The following GPHN variants were observed in gnomAD, a reference collection of about 807,000 sequenced individuals.
GPHN encodes gephyrin.
Under a neutral mutation model 95.5 loss-of-function variants are expected in GPHN, and 17 were observed. The ratio of observed to expected loss-of-function variants is 0.18; its 90% CI spans 0.12 to 0.27. GPHN has a LOEUF of 0.27. Among genes scored for constraint, GPHN ranks in the 10% least tolerant of loss-of-function variants. The pLI is 1.00. For missense variants in GPHN, 660 were observed against 978.1 expected, an observed-to-expected ratio of 0.67 and a Z score of 4.34; for synonymous variants, 320 against 322.5, an observed-to-expected ratio of 0.99 and a Z score of 0.08.
chr14:67,072,082 T>C (rs72715334), intron 11 of GPHN, among the ~76,000 whole-genome samples: 3,695 of 152,302 alleles, frequency 0.024, 69 homozygotes, highest in Non-Finnish European at 0.036. Context: ...TTATTTGCTG[T>C]AGTTTATCTT....
At chr14:66,631,977 T>C (rs758080927) in intron 1 of GPHN, among the ~76,000 whole-genome samples, 4 of 152,222 alleles carry the variant, frequency 2.6e-5, no homozygotes, top group Non-Finnish European at 4.4e-5. Context: ...TGCTACCTTG[T>C]TCCCAATCCA....
chr14:67,464,092 A>G, the GPHN span, among the ~76,000 whole-genome samples: 2 of 151,648 alleles, frequency 1.3e-5, no homozygotes, highest in South Asian at 2.1e-4. Context: ...GTGTGTGTGT[A>G]TGTGAGACAG....
chr14:67,722,610 G>T, the GPHN span: 1 of 1,600,452 alleles, frequency 6.2e-7, no homozygotes, highest in Non-Finnish European at 8.6e-7. Flanking sequence ...TGGAGCAGCA[G>T]CAAAAGCAAC....
chr14:67,453,539 A>G, the GPHN span, among the ~76,000 whole-genome samples: 2 of 152,184 alleles, frequency 1.3e-5, no homozygotes, highest in African/African-American at 2.4e-5. Flanking sequence ...GGATGTATAA[A>G]TAGATTTTAG....
intron 5 of GPHN, among the ~76,000 whole-genome samples, chr14:66,885,746 A>C (rs1424935521): frequency 6.6e-6 from 1 of 152,064 alleles, no homozygotes; most frequent in Non-Finnish European, 1.5e-5. Context: ...GTCACTATGC[A>C]TGCCCAGAGG....
At chr14:67,316,917 A>G in the GPHN span, 1 of 1,599,948 alleles carries the variant, frequency 6.3e-7, no homozygotes. Flanking sequence ...AGACACTTGT[A>G]TTTGACATAA....
intron 13 of GPHN, among the ~76,000 whole-genome samples, chr14:67,103,481 A>ATTAATTAATTAAT (rs2077844728): frequency 7.1e-6 from 1 of 141,436 alleles, no homozygotes; most frequent in Non-Finnish European, 1.5e-5. Flanking sequence ...AATTCTTCCA[A>ATTAATTAATTAAT]CCCAACGACA....
the GPHN span, among the ~76,000 whole-genome samples, chr14:67,510,290 GA>G: frequency 6.6e-6 from 1 of 152,242 alleles, no homozygotes; most frequent in Non-Finnish European, 1.5e-5. Context: ...TCAGAGGGCT[GA>G]AATGGGCTGT....
chr14:66,669,509 T>TA (rs397730541), intron 1 of GPHN, among the ~76,000 whole-genome samples: 1 of 152,078 alleles, frequency 6.6e-6, no homozygotes, highest in African/African-American at 2.4e-5. Flanking sequence ...TATTTTTTTT[T>TA]AAATGTATCC....
At chr14:66,744,229 GCTA>G (rs1214495384) in intron 2 of GPHN, among the ~76,000 whole-genome samples, 1 of 152,010 alleles carries the variant, frequency 6.6e-6, no homozygotes, top group African/African-American at 2.4e-5. Context: ...ATTTTATTAC[GCTA>G]CTTTCTTTTC....
At chr14:66,771,960 A>T (rs915263712) in intron 2 of GPHN, among the ~76,000 whole-genome samples, 1 of 152,128 alleles carries the variant, frequency 6.6e-6, no homozygotes, top group Non-Finnish European at 1.5e-5. Flanking sequence ...GCAGTGGTTC[A>T]GTATTAGCTC....
the GPHN span, among the ~76,000 whole-genome samples, chr14:67,465,138 G>A: frequency 7.2e-4 from 109 of 152,388 alleles, no homozygotes; most frequent in African/African-American, 2.5e-3. Context: ...CTCTGCTGGT[G>A]ACCGGCACAC....
At chr14:67,142,455 T>C (rs2080530425) in intron 17 of GPHN, among the ~76,000 whole-genome samples, 1 of 152,184 alleles carries the variant, frequency 6.6e-6, no homozygotes, top group East Asian at 1.9e-4. Flanking sequence ...ACCCCTGTTT[T>C]CATCTCTTCT....
At chr14:66,770,783 A>T (rs1032017371) in intron 2 of GPHN, among the ~76,000 whole-genome samples, 9 of 152,192 alleles carry the variant, frequency 5.9e-5, no homozygotes, top group African/African-American at 2.2e-4. Flanking sequence ...GAAAGTTATT[A>T]TAAAAATAAT....
chr14:67,340,432 C>CAA, the GPHN span: 20 of 1,611,996 alleles, frequency 1.2e-5, no homozygotes, highest in Non-Finnish European at 1.7e-5. Flanking sequence ...CTGCCAATTT[C>CAA]AACAAACCTA....
At chr14:66,835,612 A>T (rs1357572830) in intron 4 of GPHN, among the ~76,000 whole-genome samples, 3 of 151,932 alleles carry the variant, frequency 2.0e-5, no homozygotes, top group African/African-American at 4.8e-5. Context: ...TAGGCAGGAG[A>T]AGGAAATAAA....
intron 1 of GPHN, among the ~76,000 whole-genome samples, chr14:66,570,282 C>T (rs1172179179): frequency 6.8e-6 from 1 of 146,480 alleles, no homozygotes. Flanking sequence ...ATTTGACATA[C>T]TGATTTCATG....
At chr14:67,088,931 G>A in intron 11 of GPHN, 52 bp from the exon 12 acceptor site, 1 of 1,007,566 alleles carries the variant, frequency 9.9e-7, no homozygotes, top group Non-Finnish European at 1.6e-6. Flanking sequence ...ATGACTGCCT[G>A]CTTACCCATT....
chr14:66,794,036 A>G (rs2060071074), intron 3 of GPHN, among the ~76,000 whole-genome samples: 1 of 152,212 alleles, frequency 6.6e-6, no homozygotes, highest in South Asian at 2.1e-4. Context: ...TGCTTTCTGC[A>G]GTAGACATAT....
Sources: allele counts gnomAD v4.1 joint callset (sites outside exome capture counted in the v4.1 genomes callset), GRCh38; gene constraint gnomAD v4.1.1; transcripts MANE v1.5; gene names NCBI Gene and HGNC (gene_info 2026-07-23, HGNC 2026-07-21).